CDC73: variants seen among roughly 807,000 people sequenced by gnomAD.
The protein encoded by CDC73 is parafibromin.
CDC73 carries 21 observed loss-of-function variants against 83.7 expected under a neutral mutation model. That is an observed-to-expected ratio of 0.25 (90% CI 0.18 to 0.36). CDC73 has a LOEUF of 0.36. Ranked by LOEUF, CDC73 falls within the 10% of genes least tolerant of loss-of-function variation. The pLI is 1.00. For missense variants in CDC73, 342 were observed against 653.3 expected (o/e 0.52, Z 5.19); for synonymous variants, 224 against 212.9 (o/e 1.05, Z -0.45).
At chr1:193,133,191 G>A (rs1277429417) in intron 3 of CDC73, among the ~76,000 whole-genome samples, 3 of 152,052 alleles carry the variant, frequency 2.0e-5, no homozygotes, top group Non-Finnish European at 2.9e-5. Flanking sequence ...GTGAGCCACC[G>A]CGCCTGGCAG....
intron 8 of CDC73, among the ~76,000 whole-genome samples, chr1:193,149,586 AG>A (rs1250738628): frequency 2.0e-5 from 3 of 152,222 alleles, no homozygotes; most frequent in Admixed American, 2.0e-4. Context: ...ATTTGACTAT[AG>A]AAGTATATGC....
intron 2 of CDC73, among the ~76,000 whole-genome samples, chr1:193,128,854 A>G (rs1308938602): frequency 6.6e-6 from 1 of 152,198 alleles, no homozygotes. Flanking sequence ...ATTGTTACAC[A>G]TATAAAGTGA....
At position 193,147,981 on chromosome 1, in the gene CDC73, T is replaced by G. The variant is rs1450561584; in HGVS notation, c.828+16T>G. The G allele has an allele frequency of 6.5e-7, 1 of 1,529,380 alleles. No individual in the cohort carries two copies. Among genetic ancestry groups the G allele is most frequent in the African/African-American group, 1.4e-5 (1 of 73,388 alleles). 94.7% of individuals were successfully genotyped at this position (1,529,380 alleles called of 1,614,324 possible). On this transcript the variant is annotated intron_variant, in intron 8 of 16. Transcript: ENST00000367435. ...AGCACCTGTGGTAAGAATGCTTTAC[T>G]GCTTTACAGTAGATTTAATGAAGTT...
intron 10 of CDC73, chr1:193,181,701 A>G (rs577961649): frequency 6.1e-6 from 5 of 823,768 alleles, no homozygotes; most frequent in Non-Finnish European, 7.4e-6. Context: ...ATGAAGCACA[A>G]AAGTTTACAG....
intron 13 of CDC73, among the ~76,000 whole-genome samples, chr1:193,218,102 CTAG>C (rs1677401619): frequency 6.6e-6 from 1 of 152,122 alleles, no homozygotes; most frequent in Non-Finnish European, 1.5e-5. Context: ...TTTCTATACA[CTAG>C]TAATGTCCAA....
chr1:193,196,592 T>G (rs1677006266), intron 10 of CDC73, among the ~76,000 whole-genome samples: 1 of 152,210 alleles, frequency 6.6e-6, no homozygotes, highest in Non-Finnish European at 1.5e-5. Context: ...TGAATACAAA[T>G]GTCTTTCCAT....
rs942968255 is a variant in CDC73 at position 193,251,197 on chromosome 1, A to G, written c.*485A>G. The G allele has an allele frequency of 3.0e-5, 7 of 234,748 alleles. No homozygotes were observed. Among genetic ancestry groups the G allele is most frequent in the Admixed American group, 1.7e-4 (3 of 18,166 alleles). 14.5% of individuals were successfully genotyped at this position (234,748 alleles called of 1,614,324 possible). A position where few individuals can be genotyped will look rare whatever the true frequency, so the allele number is the denominator to read the frequency against. ...CAGAATGTCAACTTGTATGTACACT[A>G]TATCTACACTTACTCATTATTTAAA... On this transcript the variant is annotated 3_prime_UTR_variant, in exon 17 of 17. Coordinates refer to ENST00000367435, the MANE Select transcript of CDC73 (RefSeq NM_024529.5).
intron 10 of CDC73, among the ~76,000 whole-genome samples, chr1:193,190,074 G>A (rs755069628): frequency 7.2e-5 from 11 of 152,150 alleles, no homozygotes; most frequent in Non-Finnish European, 1.6e-4. Flanking sequence ...GCTTTATTAT[G>A]AGTGGTTGGT....
At chr1:193,236,653 G>A in intron 15 of CDC73, 1 of 357,466 alleles carries the variant, frequency 2.8e-6, no homozygotes, top group Non-Finnish European at 5.4e-6. Context: ...TCAGCACTTT[G>A]GGAAGCTGAG....
chr1:193,175,921 A>G lies in CDC73; in HGVS notation c.972+23477A>G, dbSNP rs1438731963. 1.3e-5 allele frequency among the ~76,000 whole-genome samples: 2 copies of G among 152,038 alleles called. 1 individual carries two copies. Among genetic ancestry groups the G allele is most frequent in the South Asian group, 4.1e-4 (2 of 4,828 alleles). Reference sequence around the variant, plus strand: ...TTACTTGTCTTTTTTTTGCTCAGTTATTAGCTTTCTCTCTGAAGTATATAG... The same window carrying G: ...TTACTTGTCTTTTTTTTGCTCAGTTGTTAGCTTTCTCTCTGAAGTATATAG... On this transcript the variant is annotated intron_variant, in intron 10 of 16. Coordinates refer to ENST00000367435, the MANE Select transcript of CDC73 (RefSeq NM_024529.5).
intron 7 of CDC73, among the ~76,000 whole-genome samples, chr1:193,145,425 G>A (rs1451106954): frequency 6.6e-6 from 1 of 152,084 alleles, no homozygotes; most frequent in Non-Finnish European, 1.5e-5. Context: ...AATAAATGTC[G>A]AATGTAGAAG....
chr1:193,133,390 T>C (rs1382121637), intron 3 of CDC73, among the ~76,000 whole-genome samples: 1 of 152,176 alleles, frequency 6.6e-6, no homozygotes, highest in East Asian at 1.9e-4. Context: ...TAGTTTTTCT[T>C]GAGGTAGGAA....
rs753433676 is a variant in CDC73, at chr1:193,152,365, T to A, written c.908-15T>A. On this transcript the variant is annotated splice_polypyrimidine_tract_variant and intron_variant, in intron 9 of 16. Coordinates refer to ENST00000367435, the MANE Select transcript of CDC73 (RefSeq NM_024529.5). ...ATCTATAAAATCTTAACAATAAGCC[T>A]CTTTTTTTTCGTAGAAACGGAAGGC... is the stretch of plus-strand genomic sequence containing the variant. 1 of 1,578,564 alleles carries A rather than the reference T, an allele frequency of 6.3e-7. No individual in the cohort carries two copies. The highest frequency in any genetic ancestry group is 1.3e-5 in the African/African-American group (1 of 74,342).
intron 11 of CDC73, among the ~76,000 whole-genome samples, chr1:193,207,487 A>G (rs1416305777): frequency 6.6e-6 from 1 of 152,172 alleles, no homozygotes; most frequent in Non-Finnish European, 1.5e-5. Flanking sequence ...TCTCAACCAC[A>G]TAAGACAGAC....
intron 1 of CDC73, among the ~76,000 whole-genome samples, chr1:193,123,970 A>G (rs1675516587): frequency 6.6e-6 from 1 of 152,254 alleles, no homozygotes. Flanking sequence ...GAATGAATGA[A>G]TGAACAAACA....
intron 2 of CDC73, among the ~76,000 whole-genome samples, chr1:193,129,730 C>G (rs1240834613): frequency 6.6e-6 from 1 of 151,906 alleles, no homozygotes; most frequent in Non-Finnish European, 1.5e-5. Flanking sequence ...CCAGGCTGGT[C>G]TTTAACTCCT....
chr1:193,127,277 GA>G (rs1296571652), intron 2 of CDC73, among the ~76,000 whole-genome samples: 10 of 113,084 alleles, frequency 8.8e-5, no homozygotes, highest in East Asian at 2.3e-4. Flanking sequence ...CTGTCTCAGG[GA>G]AAAAAAAAAA....
chr1:193,135,331 A>T, intron 3 of CDC73, 60 bp from the exon 4 acceptor site: 1 of 1,322,364 alleles, frequency 7.6e-7, no homozygotes, highest in Admixed American at 1.7e-5. Flanking sequence ...TTCACTTGTA[A>T]TAATATCCAA....
At chr1:193,223,100 A>G (rs1212087297) in intron 13 of CDC73, among the ~76,000 whole-genome samples, 1 of 151,988 alleles carries the variant, frequency 6.6e-6, no homozygotes, top group Non-Finnish European at 1.5e-5. Context: ...ACATATTTGC[A>G]AGCTTGTTTT....
Sources: gnomAD v4.1 joint callset for allele counts (sites outside exome capture counted in the v4.1 genomes callset) on GRCh38, gnomAD v4.1.1 for gene constraint, MANE v1.5 for transcripts, NCBI Gene and HGNC (gene_info 2026-07-23, HGNC 2026-07-21) for gene names.